The following PXDNL variants were observed in gnomAD, a reference collection of about 807,000 sequenced individuals.
PXDNL encodes the protein peroxidasin like, also known as probable oxidoreductase PXDNL.
Under a neutral mutation model 150.8 loss-of-function variants are expected in PXDNL, and 145 were observed. The ratio of observed to expected loss-of-function variants is 0.96; its 90% CI spans 0.84 to 1.10. The LOEUF (loss-of-function observed/expected upper bound fraction) is 1.10. PXDNL is among the 50% of genes least tolerant of loss of function. The pLI is 0.00. For missense variants in PXDNL, 2,087 were observed against 1,873.9 expected, an observed-to-expected ratio of 1.11 and a Z score of -2.10; for synonymous variants, 757 against 725.7, an observed-to-expected ratio of 1.04 and a Z score of -0.69.
chr8:51,805,298 T>C (rs1201466584), intron 1 of PXDNL, among the ~76,000 whole-genome samples: 4 of 150,204 alleles, frequency 2.7e-5, no homozygotes, highest in Non-Finnish European at 4.4e-5. Context: ...CCCTATTAAG[T>C]TGTATTTTAT....
intron 9 of PXDNL, among the ~76,000 whole-genome samples, chr8:51,454,468 G>A (rs906731692): frequency 1.3e-5 from 2 of 152,126 alleles, no homozygotes; most frequent in Non-Finnish European, 2.9e-5. Flanking sequence ...GTTACTTTCA[G>A]CTAAACGTAT....
chr8:51,520,508 A>C (rs748767599), intron 4 of PXDNL, among the ~76,000 whole-genome samples: 1 of 151,940 alleles, frequency 6.6e-6, no homozygotes, highest in Non-Finnish European at 1.5e-5. Context: ...AGAGGACCCA[A>C]ATCTCCTCGG....
chr8:51,767,645 G>A (rs2037246134), intron 1 of PXDNL, among the ~76,000 whole-genome samples: 1 of 152,042 alleles, frequency 6.6e-6, no homozygotes, highest in Admixed American at 6.5e-5. Context: ...GTCACCTACA[G>A]ATACTCTTTT....
intron 20 of PXDNL, among the ~76,000 whole-genome samples, chr8:51,340,743 A>G (rs752483802): frequency 2.0e-5 from 3 of 152,244 alleles, no homozygotes; most frequent in Non-Finnish European, 2.9e-5. Context: ...GGATAACTCC[A>G]TGTCCTCTGA....
intron 1 of PXDNL, among the ~76,000 whole-genome samples, chr8:51,761,261 A>G (rs1764063882): frequency 6.6e-6 from 1 of 152,086 alleles, no homozygotes; most frequent in Non-Finnish European, 1.5e-5. Context: ...CCAAAATCCC[A>G]TGGCATTTGC....
chr8:51,549,244 C>G (rs1254644388), intron 4 of PXDNL, among the ~76,000 whole-genome samples: 1 of 152,086 alleles, frequency 6.6e-6, no homozygotes, highest in Non-Finnish European at 1.5e-5. Flanking sequence ...GACTTCAGTA[C>G]TCCACTGACA....
At chr8:51,598,922 T>C (rs1254934401) in intron 2 of PXDNL, among the ~76,000 whole-genome samples, 1 of 152,186 alleles carries the variant, frequency 6.6e-6, no homozygotes, top group Non-Finnish European at 1.5e-5. Flanking sequence ...GAAGTTGATA[T>C]TGGCCCATCC....
chr8:51,639,568 C>A (rs61037356), intron 2 of PXDNL, among the ~76,000 whole-genome samples: 13,788 of 152,130 alleles, frequency 0.091, 918 homozygotes, highest in East Asian at 0.23. Flanking sequence ...GAGAATACTA[C>A]AAACACCTCT....
chr8:51,585,257 T>C (rs1274696422), intron 3 of PXDNL, among the ~76,000 whole-genome samples: 1 of 152,174 alleles, frequency 6.6e-6, no homozygotes, highest in East Asian at 1.9e-4. Context: ...TGCATGTGTA[T>C]GGATTGGGAA....
chr8:51,422,036 T>C (rs1808968562), intron 14 of PXDNL, among the ~76,000 whole-genome samples: 1 of 152,084 alleles, frequency 6.6e-6, no homozygotes, highest in South Asian at 2.1e-4. Flanking sequence ...GCAGGGGCAC[T>C]AGATTCTAAT....
intron 1 of PXDNL, among the ~76,000 whole-genome samples, chr8:51,748,343 G>A (rs1463090557): frequency 6.6e-6 from 1 of 152,190 alleles, no homozygotes; most frequent in Non-Finnish European, 1.5e-5. Flanking sequence ...TTTCAGAAGT[G>A]GGGATGGAAA....
rs1312084775 is a variant in PXDNL, at chr8:51,539,580, A to AGTTTT, written c.380+17255_380+17259dup. Among the ~76,000 whole-genome samples the AGTTTT allele has an allele frequency of 1.1e-4, 17 of 152,110 alleles. No homozygotes were observed. The East Asian group carries it at 3.3e-3, about 29-fold the overall frequency. On this transcript the variant is annotated intron_variant, in intron 4 of 22. Coordinates refer to ENST00000356297, the MANE Select transcript of PXDNL (RefSeq NM_144651.5). The stretch of plus-strand genomic sequence containing the variant: ...TAACAGTGAAGACATTTGGGTGTAG[A>AGTTTT]GTTTTGTTTTGTTTTGTTTTTTTAA...
intron 3 of PXDNL, among the ~76,000 whole-genome samples, chr8:51,578,838 G>A (rs1020591590): frequency 6.6e-6 from 1 of 152,014 alleles, no homozygotes; most frequent in African/African-American, 2.4e-5. Flanking sequence ...TGACAAAGGT[G>A]CAGAAGCAAT....
At chr8:51,795,854 T>C (rs994665497) in intron 1 of PXDNL, among the ~76,000 whole-genome samples, 3 of 152,328 alleles carry the variant, frequency 2.0e-5, no homozygotes, top group Admixed American at 6.5e-5. Flanking sequence ...AAAGATTAAT[T>C]GACAAAGGTC....
intron 3 of PXDNL, among the ~76,000 whole-genome samples, chr8:51,565,321 A>AATAAATAGATAGATAG (rs569762504): frequency 0.026 from 3,472 of 135,316 alleles, 66 homozygotes; most frequent in Admixed American, 0.046. Flanking sequence ...TAAATAAATA[A>AATAAATAGATAGATAG]ATAGATAGAT....
chr8:51,725,577 C>A (rs905656862), intron 1 of PXDNL, among the ~76,000 whole-genome samples: 1 of 152,158 alleles, frequency 6.6e-6, no homozygotes, highest in South Asian at 2.1e-4. Flanking sequence ...GTTGTCCTGG[C>A]CTCCACCATG....
intron 2 of PXDNL, among the ~76,000 whole-genome samples, chr8:51,594,260 T>C: frequency 6.6e-6 from 1 of 152,202 alleles, no homozygotes; most frequent in East Asian, 1.9e-4. Context: ...ATGTGACACA[T>C]GTATATAGTC....
intron 2 of PXDNL, among the ~76,000 whole-genome samples, chr8:51,651,747 C>T (rs4517108): frequency 0.84 from 127,562 of 152,126 alleles, 53,773 homozygotes; most frequent in African/African-American, 0.92. Flanking sequence ...ATAAGCATGA[C>T]TGTGTTGTCC....
At chr8:51,729,853 C>T (rs1003178559) in intron 1 of PXDNL, among the ~76,000 whole-genome samples, 1 of 152,106 alleles carries the variant, frequency 6.6e-6, no homozygotes, top group African/African-American at 2.4e-5. Context: ...CTCAAATGCA[C>T]ACTACTAAGT....
Sources: allele counts gnomAD v4.1 joint callset (sites outside exome capture counted in the v4.1 genomes callset), GRCh38; gene constraint gnomAD v4.1.1; transcripts MANE v1.5; gene names NCBI Gene and HGNC (gene_info 2026-07-23, HGNC 2026-07-21).